MINK1: variants seen among roughly 807,000 people sequenced by gnomAD.
MINK1 encodes the protein misshapen-like kinase 1.
A neutral mutation model predicts 178.4 loss-of-function variants in MINK1; 46 were observed. The observed-to-expected ratio is 0.26, with a 90% CI of 0.20 to 0.33. The LOEUF (loss-of-function observed/expected upper bound fraction) is 0.33. Ranked by LOEUF, MINK1 falls within the 10% of genes least tolerant of loss-of-function variation. The pLI, the probability that MINK1 is intolerant of heterozygous loss-of-function variation, is 1.00. For synonymous variants in MINK1, 797 were observed against 709.7 expected, an observed-to-expected ratio of 1.12 and a Z score of -1.96; for missense variants, 1,366 against 1,814.9, an observed-to-expected ratio of 0.75 and a Z score of 4.49.
chr17:4,890,263 C>G (rs1353212360), intron 13 of MINK1: 2 of 1,299,394 alleles, frequency 1.5e-6, no homozygotes, highest in Non-Finnish European at 2.0e-6. Flanking sequence ...AGCGACAGCT[C>G]GAGATCCTTC....
Position 4,887,051 on chromosome 17 carries a change from C to G in MINK1, c.950-59C>G, listed in dbSNP as rs1968269372. On this transcript the variant is annotated intron_variant, in intron 10 of 31. Transcript: ENST00000355280. The surrounding 1 kb of genome is among the most constrained non-coding windows in gnomAD (Gnocchi z 7.6). ...CTGGTTATCCCCACCCAAGGTTTCC[C>G]TAGCCCACGGCGGGTCTGGGGCGCT... The G allele has an allele frequency of 6.5e-7, 1 of 1,534,210 alleles. No individual in the cohort carries two copies. Among genetic ancestry groups the G allele is most frequent in the Non-Finnish European group, 8.8e-7 (1 of 1,131,308 alleles).
At chr17:4,835,877 C>CAG (rs1266751478) in intron 1 of MINK1, among the ~76,000 whole-genome samples, 2 of 152,170 alleles carry the variant, frequency 1.3e-5, no homozygotes, top group Non-Finnish European at 2.9e-5. Flanking sequence ...CCTCTCCCCT[C>CAG]AGGAGACCGG....
chr17:4,892,473 G>T lies in MINK1; in HGVS notation c.2159G>T (p.Gly720Val). 2 of 1,565,058 alleles carry T rather than the reference G, an allele frequency of 1.3e-6. No homozygotes were observed. Among genetic ancestry groups the T allele is most frequent in the East Asian group, 2.4e-5 (1 of 41,684 alleles). ...GAGCGGGGCACCCCAAAGCCTCCAG[G>T]GCCCCCTGCTCAGCCCCCTGGCCCG... ...RAERGTPKPP[G>V]PPAQPPGPPN... The change falls in exon 18 of 32, where the codon GGG becomes GTG. Residue 720 changes from glycine to valine, a missense_variant. Coordinates refer to ENST00000355280, the MANE Select transcript of MINK1 (RefSeq NM_153827.5).
chr17:4,897,282 T>TGGTGACGG lies in MINK1; in HGVS notation c.3997_*5dup, dbSNP rs758645723. 1.7e-5 allele frequency: 28 copies of TGGTGACGG among 1,613,586 alleles called. 1 individual carries two copies. Among genetic ancestry groups the TGGTGACGG allele is most frequent in the Non-Finnish European group, 1.9e-5 (23 of 1,179,676 alleles). On this transcript the variant is annotated stop_gained and frameshift_variant, in exon 32 of 32. Coordinates refer to ENST00000355280, the MANE Select transcript of MINK1 (RefSeq NM_153827.5). LOFTEE classifies it high-confidence loss of function. ...TCTGAACCGTAACTGCATCATGAAC[T>TGGTGACGG]GGTGACGGGGCCCTGGGCTGGGGCT...
intron 20 of MINK1, 120 bp from the exon 21 acceptor site, chr17:4,893,314 G>A (rs1330587106): frequency 6.2e-7 from 1 of 1,613,950 alleles, no homozygotes; most frequent in South Asian, 1.1e-5. Context: ...GGTGAGGTTA[G>A]TGAGATGGGC....
At position 4,887,540 on chromosome 17, in the gene MINK1, G is replaced by C; in HGVS notation, c.1020-40G>C. 1 of 1,454,940 alleles carries C rather than the reference G, an allele frequency of 6.9e-7. No homozygotes were observed. Among genetic ancestry groups the C allele is most frequent in the Non-Finnish European group, 9.1e-7 (1 of 1,098,884 alleles). 90.1% of individuals were successfully genotyped at this position (1,454,940 alleles called of 1,614,324 possible). The stretch of plus-strand genomic sequence containing the variant: ...CGGGGTTGAGAGTGGGAACCAACAG[G>C]GTTCTGACCCCAGTGCTTCTTTGTG... On this transcript the variant is annotated intron_variant, in intron 11 of 31. Coordinates refer to ENST00000355280, the MANE Select transcript of MINK1 (RefSeq NM_153827.5). This position sits in a 1 kb window ranked among gnomAD's most constrained non-coding sequence, Gnocchi z 7.6.
chr17:4,869,316 G>T (rs1232306551), intron 1 of MINK1, among the ~76,000 whole-genome samples: 1 of 150,230 alleles, frequency 6.7e-6, no homozygotes. Context: ...CACTCCTATC[G>T]CCCAGGCTGC....
At position 4,887,025 on chromosome 17, in the gene MINK1, C is replaced by A; in HGVS notation, c.950-85C>A. On this transcript the variant is annotated intron_variant, in intron 10 of 31. Coordinates refer to ENST00000355280, the MANE Select transcript of MINK1 (RefSeq NM_153827.5). This position sits in a 1 kb window ranked among gnomAD's most constrained non-coding sequence, Gnocchi z 7.6. Reference sequence around the variant, plus strand: ...CCTCATGCTTGCCCAGCCAGAGAGACCTGGTTATCCCCACCCAAGGTTTCC... The same window carrying A: ...CCTCATGCTTGCCCAGCCAGAGAGAACTGGTTATCCCCACCCAAGGTTTCC... 5 of 1,420,214 alleles carry A rather than the reference C, an allele frequency of 3.5e-6. No individual in the cohort carries two copies. The highest frequency in any genetic ancestry group is 4.8e-6 in the Non-Finnish European group (5 of 1,034,454). 88.0% of individuals were successfully genotyped at this position (1,420,214 alleles called of 1,614,324 possible).
rs374271701 is a variant in MINK1, at chr17:4,885,902, C to T, written c.640-9C>T. On this transcript the variant is annotated splice_polypyrimidine_tract_variant and intron_variant, in intron 7 of 31. Transcript: ENST00000355280. The surrounding 1 kb of genome is among the most constrained non-coding windows in gnomAD (Gnocchi z 5.0). ...GAATATTCACTTGTTCCTTCTTTCC[C>T]GTCTATAGAGTGATATTTGGTCTCT... 73 of 1,613,446 alleles carry T rather than the reference C, an allele frequency of 4.5e-5. No individual in the cohort carries two copies. Among genetic ancestry groups the T allele is most frequent in the Non-Finnish European group, 5.8e-5 (69 of 1,179,522 alleles).
Position 4,896,139 on chromosome 17 carries a change from T to TC in MINK1, c.3465+39dup. The stretch of plus-strand genomic sequence containing the variant: ...CCTCGGTCCCTAACACCATCTGGAG[T>TC]CCCAGCGCCTCTCCCCGTGCCCCTG... On this transcript the variant is annotated intron_variant, in intron 28 of 31. Coordinates refer to ENST00000355280, the MANE Select transcript of MINK1 (RefSeq NM_153827.5). This position sits in a 1 kb window ranked among gnomAD's most constrained non-coding sequence, Gnocchi z 4.6. 8 of 1,605,058 alleles carry TC rather than the reference T, an allele frequency of 5.0e-6. No homozygotes were observed. Among genetic ancestry groups the TC allele is most frequent in the Non-Finnish European group, 6.8e-6 (8 of 1,175,658 alleles).
rs144711228 is a variant in MINK1 at position 4,876,188 on chromosome 17, AC to A, written c.58-2128del. ...TGGTCAGCCCAGTCCCCTTCAGAGC[AC>A]AGAGAAGGAACCCCCTTCAGCTGTC... On this transcript the variant is annotated intron_variant, in intron 1 of 31. Transcript: ENST00000355280. Among the ~76,000 whole-genome samples the A allele has an allele frequency of 8.7e-3, 1,325 of 152,156 alleles. 20 individuals are homozygous for A. Among genetic ancestry groups the A allele is most frequent in the African/African-American group, 0.03 (1,246 of 41,480 alleles).
At chr17:4,849,562 G>A (rs1415192060) in intron 1 of MINK1, among the ~76,000 whole-genome samples, 2 of 152,062 alleles carry the variant, frequency 1.3e-5, no homozygotes, top group Non-Finnish European at 2.9e-5. Context: ...CTGTCCCTGT[G>A]GTCTCAGCGT....
intron 1 of MINK1, among the ~76,000 whole-genome samples, chr17:4,872,940 G>C (rs950634577): frequency 1.3e-5 from 2 of 152,128 alleles, no homozygotes; most frequent in Non-Finnish European, 2.9e-5. Context: ...TCCAGAAAGG[G>C]TGCTGCCCTC....
Position 4,885,482 on chromosome 17 carries a change from G to C in MINK1, c.509-1G>C. ...TGACCCCTCCCTCTGTGTCTTCACA[G>C]TGGATTTTGGGGTGAGTGCTCAGCT... On this transcript the variant is annotated splice_acceptor_variant, in intron 6 of 31. Transcript: ENST00000355280. LOFTEE classifies it high-confidence loss of function. The surrounding 1 kb of genome is among the most constrained non-coding windows in gnomAD (Gnocchi z 5.0). 6.2e-7 allele frequency: 1 copy of C among 1,613,820 alleles called. No homozygotes were observed. Among genetic ancestry groups the C allele is most frequent in the Non-Finnish European group, 8.5e-7 (1 of 1,179,794 alleles).
At chr17:4,869,200 A>G (rs1262900946) in intron 1 of MINK1, among the ~76,000 whole-genome samples, 1 of 151,666 alleles carries the variant, frequency 6.6e-6, no homozygotes, top group Non-Finnish European at 1.5e-5. Context: ...CTGGGATTAC[A>G]GATGTGAGCC....
rs144284352 is a variant in MINK1, at chr17:4,850,188, C to T, written c.57+16548C>T. 2.7e-3 allele frequency among the ~76,000 whole-genome samples: 407 copies of T among 152,160 alleles called. 1 individual carries two copies. The highest frequency in any genetic ancestry group is 9.6e-3 in the African/African-American group (396 of 41,430). ...TTTGTTCAACGCCACGTTGTAGTAT[C>T]TAGCAATGCCTCTACATAGCTGACA... On this transcript the variant is annotated intron_variant, in intron 1 of 31. Transcript: ENST00000355280.
chr17:4,890,789 G>A, intron 14 of MINK1, 54 bp downstream of exon 14: 1 of 1,528,702 alleles, frequency 6.5e-7, no homozygotes, highest in South Asian at 1.2e-5. Flanking sequence ...CCTGAGGCCT[G>A]GAGAGCCACA....
intron 1 of MINK1, chr17:4,834,789 C>A (rs1732973848): frequency 1.9e-6 from 1 of 520,002 alleles, no homozygotes; most frequent in Admixed American, 1.9e-5. Context: ...GTTCGCTTCT[C>A]TGGAGGCCCC....
chr17:4,897,350 C>G lies in MINK1; in HGVS notation c.*63C>G. The G allele has an allele frequency of 1.3e-6, 2 of 1,491,516 alleles. No individual in the cohort carries two copies. The highest frequency in any genetic ancestry group is 1.9e-6 in the Non-Finnish European group (2 of 1,075,618). The allele number at this position is 1,491,516 out of a possible 1,614,324, so 92.4% of individuals were successfully genotyped here. A position where few individuals can be genotyped will look rare whatever the true frequency, so the allele number is the denominator to read the frequency against. ...GCTCTCCCCCTGCAGCCAGGCTTCC[C>G]GGGCCGCCCCTCTTTCCCCTCCCTG... On this transcript the variant is annotated 3_prime_UTR_variant, in exon 32 of 32. Transcript: ENST00000355280.
Sources: gnomAD v4.1 joint callset for allele counts (sites outside exome capture counted in the v4.1 genomes callset) on GRCh38, gnomAD v4.1.1 for gene constraint, Gnocchi (gnomAD v3.1) non-coding constraint, MANE v1.5 for transcripts, NCBI Gene and HGNC (gene_info 2026-07-23, HGNC 2026-07-21) for gene names.